The following UGT1A8 variants were observed in gnomAD, a reference collection of about 807,000 sequenced individuals.
The protein encoded by UGT1A8 is UDP glucuronosyltransferase family 1 member A8.
In UGT1A8, 39 loss-of-function variants were observed where a neutral mutation model predicts 45.3. The observed-to-expected ratio is 0.86, with a 90% CI of 0.67 to 1.12. The LOEUF (loss-of-function observed/expected upper bound fraction) is 1.12. Ranked by LOEUF, UGT1A8 falls within the 50% of genes most tolerant of loss-of-function variation. The pLI, the probability that UGT1A8 is intolerant of heterozygous loss-of-function variation, is 0.00. For missense variants in UGT1A8, 719 were observed against 664.9 expected, an observed-to-expected ratio of 1.08 and a Z score of -0.90; for synonymous variants, 275 against 249.2, an observed-to-expected ratio of 1.10 and a Z score of -0.97.
chr2:233,636,636 G>C (rs1418279949), intron 1 of UGT1A8: 5 of 1,614,190 alleles, frequency 3.1e-6, no homozygotes, highest in Non-Finnish European at 4.2e-6. Flanking sequence ...GGAGTCACTG[G>C]TTCACCATGC....
chr2:233,711,268 G>A (rs1198771284), intron 1 of UGT1A8, among the ~76,000 whole-genome samples: 2 of 152,206 alleles, frequency 1.3e-5, no homozygotes, highest in Non-Finnish European at 2.9e-5. Flanking sequence ...CCTCCCCAGG[G>A]TCTAGGAGTC....
At chr2:233,644,545 A>T (rs1324667211) in intron 1 of UGT1A8, among the ~76,000 whole-genome samples, 1 of 152,142 alleles carries the variant, frequency 6.6e-6, no homozygotes, top group Non-Finnish European at 1.5e-5. Context: ...TAGATGACAG[A>T]GTGAGACTCC....
rs1354491814 is a variant in UGT1A8 at position 233,754,735 on chromosome 2, A to G, written c.856-12299A>G. 4.6e-6 allele frequency: 3 copies of G among 652,332 alleles called. No homozygotes were observed. In the Admixed American group the frequency reaches 7.0e-5, roughly 15 times the overall value. The allele number at this position is 652,332 out of a possible 1,614,324, so 40.4% of individuals were successfully genotyped here. ...AAGCTGCCTGTCCCATCACTACCGT[A>G]GGACATGCAGAAGGAAGAAAGGCCC... On this transcript the variant is annotated intron_variant, in intron 1 of 4. Transcript: ENST00000373450.
intron 1 of UGT1A8, among the ~76,000 whole-genome samples, chr2:233,653,633 G>A (rs1223192622): frequency 6.6e-6 from 1 of 152,180 alleles, no homozygotes; most frequent in African/African-American, 2.4e-5. Flanking sequence ...GTCTCGCTGT[G>A]TTGCCTATGC....
intron 1 of UGT1A8, among the ~76,000 whole-genome samples, chr2:233,720,963 G>A (rs547406331): frequency 4.6e-4 from 69 of 150,328 alleles, no homozygotes; most frequent in African/African-American, 7.4e-4. Flanking sequence ...TGCCCGCCTC[G>A]GCCTCCCAAA....
intron 1 of UGT1A8, chr2:233,719,562 C>A (rs1164668665): frequency 9.9e-6 from 16 of 1,613,782 alleles, no homozygotes; most frequent in African/African-American, 1.3e-5. Flanking sequence ...AGTGGTGGAT[C>A]TTGTCAGCTA....
At chr2:233,714,022 T>C (rs1174092700) in intron 1 of UGT1A8, among the ~76,000 whole-genome samples, 2 of 152,152 alleles carry the variant, frequency 1.3e-5, no homozygotes, top group Non-Finnish European at 2.9e-5. Context: ...AAAGGGTCAA[T>C]GGTAGTGCAG....
At position 233,720,736 on chromosome 2, in the gene UGT1A8, C is replaced by T. The variant is rs186867201; in HGVS notation, c.856-46298C>T. 4.2e-3 allele frequency among the ~76,000 whole-genome samples: 630 copies of T among 148,874 alleles called. 11 individuals are homozygous for T. Among genetic ancestry groups the T allele is most frequent in the African/African-American group, 0.015 (595 of 40,300 alleles). ...TTTTTTTTTTCTTGAGACTGAGCCT[C>T]GTTCTGTCGCCCAGGCTGGAGGGCA... is the stretch of plus-strand genomic sequence containing the variant. On this transcript the variant is annotated intron_variant, in intron 1 of 4. Transcript: ENST00000373450.
chr2:233,712,271 C>T (rs3893334), intron 1 of UGT1A8, among the ~76,000 whole-genome samples: 15,485 of 152,260 alleles, frequency 0.1, 907 homozygotes, highest in East Asian at 0.2. Flanking sequence ...GTGCTTTAGA[C>T]AGCAGCACCT....
chr2:233,668,524 A>G (rs556855784), intron 1 of UGT1A8, among the ~76,000 whole-genome samples: 4 of 152,306 alleles, frequency 2.6e-5, no homozygotes, highest in African/African-American at 9.6e-5. Context: ...ATACGTGTGC[A>G]TGTGTCTTTA....
At chr2:233,662,391 A>G (rs1443737937) in intron 1 of UGT1A8, among the ~76,000 whole-genome samples, 1 of 152,154 alleles carries the variant, frequency 6.6e-6, no homozygotes, top group Non-Finnish European at 1.5e-5. Context: ...TAATATATTT[A>G]TTGCAACAAA....
intron 1 of UGT1A8, among the ~76,000 whole-genome samples, chr2:233,676,898 G>A (rs1367160670): frequency 2.0e-5 from 3 of 152,076 alleles, no homozygotes; most frequent in South Asian, 2.1e-4. Context: ...ATCTGTGCAC[G>A]TATTTCTAGA....
intron 1 of UGT1A8, among the ~76,000 whole-genome samples, chr2:233,632,410 A>G (rs2073206116): frequency 6.6e-6 from 1 of 152,168 alleles, no homozygotes; most frequent in Non-Finnish European, 1.5e-5. Context: ...CATTCAATCT[A>G]TAAATTACCT....
At chr2:233,681,256 A>G (rs1187740641) in intron 1 of UGT1A8, among the ~76,000 whole-genome samples, 1 of 152,086 alleles carries the variant, frequency 6.6e-6, no homozygotes, top group Non-Finnish European at 1.5e-5. Context: ...AACTTTGGCC[A>G]GGTGTAGTGG....
Position 233,693,020 on chromosome 2 carries a change from C to T in UGT1A8, c.856-74014C>T, listed in dbSNP as rs546429827. 196 of 1,614,146 alleles carry T rather than the reference C, an allele frequency of 1.2e-4. No homozygotes were observed. The highest frequency in any genetic ancestry group is 6.3e-4 in the Admixed American group (38 of 60,026). ...TCTTTCCAGGATGGCCTGCCTCCTTCGCTCATTTCAGAGAATTTCTGCAGG... is the reference window on the plus strand; with the variant it reads ...TCTTTCCAGGATGGCCTGCCTCCTTTGCTCATTTCAGAGAATTTCTGCAGG... On this transcript the variant is annotated intron_variant, in intron 1 of 4. Transcript: ENST00000373450.
intron 1 of UGT1A8, chr2:233,743,097 G>A: frequency 2.8e-6 from 1 of 351,688 alleles, no homozygotes; most frequent in Non-Finnish European, 5.6e-6. Flanking sequence ...AAATTCTTGG[G>A]TACAGCTGTT....
chr2:233,638,947 C>G (rs569261768), intron 1 of UGT1A8, among the ~76,000 whole-genome samples: 8 of 152,336 alleles, frequency 5.3e-5, no homozygotes, highest in African/African-American at 1.9e-4. Flanking sequence ...AAGCACTTTT[C>G]TCCTCGTTAT....
intron 1 of UGT1A8, among the ~76,000 whole-genome samples, chr2:233,737,497 A>G (rs1575619064): frequency 6.6e-6 from 1 of 152,008 alleles, no homozygotes. Context: ...GAAATCCCTC[A>G]CCCTCTTGCA....
chr2:233,764,795 T>A (rs148070412), intron 1 of UGT1A8, among the ~76,000 whole-genome samples: 1 of 152,200 alleles, frequency 6.6e-6, no homozygotes, highest in East Asian at 1.9e-4. Flanking sequence ...CCTCAGGGTG[T>A]TCTTGCTACA....
Sources: allele counts gnomAD v4.1 joint callset (sites outside exome capture counted in the v4.1 genomes callset), GRCh38; gene constraint gnomAD v4.1.1; transcripts MANE v1.5; gene names NCBI Gene and HGNC (gene_info 2026-07-23, HGNC 2026-07-21).